Variants in AGAP1 observed in about 807,000 individuals in gnomAD.
AGAP1 encodes arf-GAP with GTPase, ANK repeat and PH domain-containing protein 1.
Under a neutral mutation model 105.3 loss-of-function variants are expected in AGAP1, and 29 were observed. The observed-to-expected ratio is 0.28, with a 90% CI of 0.21 to 0.38. The LOEUF is 0.38. AGAP1 is among the 10% of genes least tolerant of loss of function. AGAP1 has a pLI of 1.00. For synonymous variants in AGAP1, 509 were observed against 485.9 expected, an observed-to-expected ratio of 1.05 and a Z score of -0.63; for missense variants, 998 against 1,165.1, an observed-to-expected ratio of 0.86 and a Z score of 2.09.
chr2:235,849,223 A>G (rs1428370481), intron 9 of AGAP1, among the ~76,000 whole-genome samples: 2 of 152,238 alleles, frequency 1.3e-5, no homozygotes, highest in African/African-American at 2.4e-5. Flanking sequence ...AAAGACCGCC[A>G]TCAAGTTTTC....
At chr2:235,536,761 A>G (rs1287030947) in intron 1 of AGAP1, among the ~76,000 whole-genome samples, 5 of 152,144 alleles carry the variant, frequency 3.3e-5, no homozygotes, top group African/African-American at 1.2e-4. Flanking sequence ...CCCCAAGTGC[A>G]GCGGTGAACC....
Position 235,769,554 on chromosome 2 carries a change from A to G in AGAP1, c.673+19066A>G, listed in dbSNP as rs1332491354. ...CCCAAATGGTTGTTAAAGAAATGCA[A>G]ACAGTTAGTTGTTCCGTTCATGCTG... is the stretch of plus-strand genomic sequence containing the variant. On this transcript the variant is annotated intron_variant, in intron 6 of 17. Coordinates refer to ENST00000304032, the MANE Select transcript of AGAP1 (RefSeq NM_001037131.3). The surrounding 1 kb of genome is among the most constrained non-coding windows in gnomAD (Gnocchi z 4.4). Among the ~76,000 whole-genome samples the G allele has an allele frequency of 6.6e-6, 1 of 152,212 alleles. No homozygotes were observed. The highest frequency in any genetic ancestry group is 1.5e-5 in the Non-Finnish European group (1 of 68,042).
chr2:235,555,840 G>A lies in AGAP1; in HGVS notation c.163+60991G>A, dbSNP rs927290930. Among the ~76,000 whole-genome samples the A allele has an allele frequency of 5.3e-5, 8 of 152,214 alleles. No homozygotes were observed. The highest frequency in any genetic ancestry group is 1.0e-4 in the Non-Finnish European group (7 of 68,046). On this transcript the variant is annotated intron_variant, in intron 1 of 17. Coordinates refer to ENST00000304032, the MANE Select transcript of AGAP1 (RefSeq NM_001037131.3). This position sits in a 1 kb window ranked among gnomAD's most constrained non-coding sequence, Gnocchi z 5.1. ...GACTTGGTTCGGGGTCATGCCATGT[G>A]TGTGAGGCCTGAGTTTGCAGGTTTG... is the stretch of plus-strand genomic sequence containing the variant.
intron 9 of AGAP1, among the ~76,000 whole-genome samples, chr2:235,815,004 G>A (rs1048673964): frequency 6.6e-6 from 1 of 152,162 alleles, no homozygotes; most frequent in African/African-American, 2.4e-5. Context: ...TGGGGGTTCT[G>A]ATGTACCAGA....
In AGAP1 at chr2:235,801,446, A is replaced by C. The variant is rs969513950; in HGVS notation, c.957+1924A>C. Among the ~76,000 whole-genome samples, 4 of 152,196 alleles carry C rather than the reference A, an allele frequency of 2.6e-5. No homozygotes were observed. Among genetic ancestry groups the C allele is most frequent in the African/African-American group, 9.7e-5 (4 of 41,438 alleles). ...GGGTATTTAGGTTTCTGTAAAATACAGGTGAGTATCTCACATGCTTAAATT... is the reference window on the plus strand; with the variant it reads ...GGGTATTTAGGTTTCTGTAAAATACCGGTGAGTATCTCACATGCTTAAATT... On this transcript the variant is annotated intron_variant, in intron 8 of 17. Transcript: ENST00000304032. The surrounding 1 kb of genome is among the most constrained non-coding windows in gnomAD (Gnocchi z 6.0).
chr2:235,547,447 C>G (rs561758245), intron 1 of AGAP1, among the ~76,000 whole-genome samples: 28 of 151,672 alleles, frequency 1.8e-4, no homozygotes, highest in Middle Eastern at 3.4e-3. Context: ...CAACCTCTGC[C>G]TCCCGGGTTC....
In AGAP1 at chr2:236,109,632, C is replaced by T. The variant is rs980639102; in HGVS notation, c.2115-10560C>T. Among the ~76,000 whole-genome samples, 3 of 152,130 alleles carry T rather than the reference C, an allele frequency of 2.0e-5. No individual in the cohort carries two copies. The highest frequency in any genetic ancestry group is 4.4e-5 in the Non-Finnish European group (3 of 68,028). ...CGGCAGCAGTGTCGGTGTTCTAGACCGGCAGCCGTGGGAACGTCCTAGTCG... is the reference window on the plus strand; with the variant it reads ...CGGCAGCAGTGTCGGTGTTCTAGACTGGCAGCCGTGGGAACGTCCTAGTCG... On this transcript the variant is annotated intron_variant, in intron 16 of 17. Coordinates refer to ENST00000304032, the MANE Select transcript of AGAP1 (RefSeq NM_001037131.3). This position sits in a 1 kb window ranked among gnomAD's most constrained non-coding sequence, Gnocchi z 5.4.
rs375214225 is a variant in AGAP1, at chr2:235,799,944, G to A, written c.957+422G>A. On this transcript the variant is annotated intron_variant, in intron 8 of 17. Coordinates refer to ENST00000304032, the MANE Select transcript of AGAP1 (RefSeq NM_001037131.3). The surrounding 1 kb of genome is among the most constrained non-coding windows in gnomAD (Gnocchi z 5.0). ...GCTGGGGTGCCTGGCGCTGCCCTCGGGGTGGAGGTGGGGGACTGGGAGGTG... is the reference window on the plus strand; with the variant it reads ...GCTGGGGTGCCTGGCGCTGCCCTCGAGGTGGAGGTGGGGGACTGGGAGGTG... 1.3e-5 allele frequency among the ~76,000 whole-genome samples: 2 copies of A among 151,990 alleles called. No individual in the cohort carries two copies. The highest frequency in any genetic ancestry group is 2.1e-4 in the South Asian group (1 of 4,804).
intron 1 of AGAP1, among the ~76,000 whole-genome samples, chr2:235,518,478 T>C (rs557979743): frequency 1.2e-4 from 19 of 152,310 alleles, no homozygotes; most frequent in South Asian, 6.2e-4. Flanking sequence ...CACCCTGCAA[T>C]TGGTTTCATA....
intron 2 of AGAP1, among the ~76,000 whole-genome samples, chr2:235,711,874 A>G (rs1325953030): frequency 6.6e-6 from 1 of 152,196 alleles, no homozygotes; most frequent in Non-Finnish European, 1.5e-5. Flanking sequence ...CCTGCTTCAC[A>G]AACGCAGCAG....
Position 235,614,097 on chromosome 2 carries a change from A to G in AGAP1, c.164-95082A>G, listed in dbSNP as rs936329186. On this transcript the variant is annotated intron_variant, in intron 1 of 17. Transcript: ENST00000304032. This position sits in a 1 kb window ranked among gnomAD's most constrained non-coding sequence, Gnocchi z 4.7. ...GTGGTATCTGTTCATATATTGATTC[A>G]CCAAATATTGATTGTACATCTGCGA... Among the ~76,000 whole-genome samples the G allele has an allele frequency of 6.6e-5, 10 of 151,792 alleles. No individual in the cohort carries two copies. Among genetic ancestry groups the G allele is most frequent in the Non-Finnish European group, 1.3e-4 (9 of 67,984 alleles).
chr2:235,828,771 A>G (rs1559536162), intron 9 of AGAP1, among the ~76,000 whole-genome samples: 1 of 152,182 alleles, frequency 6.6e-6, no homozygotes, highest in African/African-American at 2.4e-5. Flanking sequence ...ATGTCATGAG[A>G]TGTCCCTGGT....
rs879831264 is a variant in AGAP1, at chr2:236,083,939, A to G, written c.2114+34658A>G. 6.6e-6 allele frequency among the ~76,000 whole-genome samples: 1 copy of G among 152,194 alleles called. No homozygotes were observed. Among genetic ancestry groups the G allele is most frequent in the Non-Finnish European group, 1.5e-5 (1 of 68,042 alleles). ...CACAGGCACACATATGCACACACCA[A>G]GGTTCTAGATGAGAAGGAACAGAGG... On this transcript the variant is annotated intron_variant, in intron 16 of 17. Transcript: ENST00000304032. The surrounding 1 kb of genome is among the most constrained non-coding windows in gnomAD (Gnocchi z 5.3).
intron 16 of AGAP1, among the ~76,000 whole-genome samples, chr2:236,065,693 C>A (rs572358918): frequency 2.6e-5 from 4 of 152,358 alleles, no homozygotes; most frequent in Middle Eastern, 3.4e-3. Flanking sequence ...AACACATCAT[C>A]TCCATCATCC....
chr2:235,518,030 A>G (rs1202683909), intron 1 of AGAP1, among the ~76,000 whole-genome samples: 3 of 151,984 alleles, frequency 2.0e-5, no homozygotes, highest in Non-Finnish European at 2.9e-5. Context: ...CCCCATTTGC[A>G]GGTGAGAGGT....
At chr2:236,043,754 T>C (rs915423572) in intron 15 of AGAP1, among the ~76,000 whole-genome samples, 11 of 151,152 alleles carry the variant, frequency 7.3e-5, no homozygotes, top group African/African-American at 2.4e-4. Flanking sequence ...GGGTGCTTAA[T>C]TGAGATAAAG....
chr2:235,801,706 G>A lies in AGAP1; in HGVS notation c.957+2184G>A, dbSNP rs777621729. On this transcript the variant is annotated intron_variant, in intron 8 of 17. Coordinates refer to ENST00000304032, the MANE Select transcript of AGAP1 (RefSeq NM_001037131.3). The surrounding 1 kb of genome is among the most constrained non-coding windows in gnomAD (Gnocchi z 6.0). ...GCTGGATTGAGAGAAGGTGGGCTGT[G>A]GGCAGGCGGCCTGTGCCCCGGGAGG... Among the ~76,000 whole-genome samples, 1 of 152,164 alleles carries A rather than the reference G, an allele frequency of 6.6e-6. No homozygotes were observed. Among genetic ancestry groups the A allele is most frequent in the Admixed American group, 6.5e-5 (1 of 15,290 alleles).
Position 235,712,675 on chromosome 2 carries a change from A to G in AGAP1, c.222+3438A>G, listed in dbSNP as rs894895719. On this transcript the variant is annotated intron_variant, in intron 2 of 17. Coordinates refer to ENST00000304032, the MANE Select transcript of AGAP1 (RefSeq NM_001037131.3). This position sits in a 1 kb window ranked among gnomAD's most constrained non-coding sequence, Gnocchi z 6.0. ...TGTGAAGGGCCGAGTATGGGTTCCA[A>G]CGCACTTCATGTGCCTGCACAGACG... Among the ~76,000 whole-genome samples the G allele has an allele frequency of 2.0e-5, 3 of 152,184 alleles. No homozygotes were observed. Among genetic ancestry groups the G allele is most frequent in the African/African-American group, 4.8e-5 (2 of 41,444 alleles).
rs1410098488 is a variant in AGAP1 at position 236,053,515 on chromosome 2, T to G, written c.2114+4234T>G. On this transcript the variant is annotated intron_variant, in intron 16 of 17. Transcript: ENST00000304032. The surrounding 1 kb of genome is among the most constrained non-coding windows in gnomAD (Gnocchi z 4.6). ...TCTTTATTGTTGTCCCCATTGCACT[T>G]AAAAACATTTGGGATTGGCTGCAGT... 6.6e-6 allele frequency among the ~76,000 whole-genome samples: 1 copy of G among 152,242 alleles called. No individual in the cohort carries two copies. The highest frequency in any genetic ancestry group is 1.5e-5 in the Non-Finnish European group (1 of 68,042).
Sources: gnomAD v4.1 joint callset for allele counts (sites outside exome capture counted in the v4.1 genomes callset) on GRCh38, gnomAD v4.1.1 for gene constraint, Gnocchi (gnomAD v3.1) non-coding constraint, MANE v1.5 for transcripts, NCBI Gene and HGNC (gene_info 2026-07-23, HGNC 2026-07-21) for gene names.